CLMN: variants seen among roughly 807,000 people sequenced by gnomAD.
The protein encoded by CLMN is calmin (calponin-like, transmembrane).
Under a neutral mutation model 92.7 loss-of-function variants are expected in CLMN, and 57 were observed. The observed-to-expected ratio is 0.61, with a 90% confidence interval of 0.50 to 0.77. The LOEUF is 0.77. CLMN is among the 30% of genes least tolerant of loss of function. CLMN has a pLI of 0.00. For synonymous variants in CLMN, 466 were observed against 470.6 expected (o/e 0.99, Z 0.13); for missense variants, 1,158 against 1,237.5 (o/e 0.94, Z 0.96).
chr14:95,226,553 G>A (rs1032541532), intron 2 of CLMN, among the ~76,000 whole-genome samples: 1 of 152,070 alleles, frequency 6.6e-6, no homozygotes, highest in Non-Finnish European at 1.5e-5. Flanking sequence ...TCTGGGAGCA[G>A]GGTCCAGAAA....
chr14:95,221,663 G>A (rs149199012), intron 4 of CLMN, 28 bp downstream of exon 4: 5 of 1,595,864 alleles, frequency 3.1e-6, no homozygotes, highest in Non-Finnish European at 4.3e-6. Context: ...ACAAGCTTGT[G>A]TTAGCAGGAT....
intron 1 of CLMN, among the ~76,000 whole-genome samples, chr14:95,247,502 C>T (rs1898616848): frequency 6.6e-6 from 1 of 152,210 alleles, no homozygotes; most frequent in African/African-American, 2.4e-5. Context: ...CTGCACAGCT[C>T]CATGTCTTTT....
intron 1 of CLMN, among the ~76,000 whole-genome samples, chr14:95,252,520 GC>G (rs1369881295): frequency 6.6e-6 from 1 of 152,174 alleles, no homozygotes; most frequent in Non-Finnish European, 1.5e-5. Flanking sequence ...TCTGGTCTGC[GC>G]CCTTGGCTTC....
intron 1 of CLMN, among the ~76,000 whole-genome samples, chr14:95,245,285 T>TATAATATATATATATATA (rs1898502163): frequency 1.8e-4 from 13 of 73,002 alleles, no homozygotes; most frequent in African/African-American, 8.8e-4. Flanking sequence ...TATATATAGT[T>TATAATATATATATATATA]TTGTTTTGTT....
intron 1 of CLMN, among the ~76,000 whole-genome samples, chr14:95,231,275 C>T (rs2140636207): frequency 6.6e-6 from 1 of 150,750 alleles, no homozygotes; most frequent in Non-Finnish European, 1.5e-5. Flanking sequence ...CGGCTCACTA[C>T]AAGCTCCGCC....
At chr14:95,288,963 C>T (rs1273535452) in intron 1 of CLMN, among the ~76,000 whole-genome samples, 1 of 152,206 alleles carries the variant, frequency 6.6e-6, no homozygotes, top group Non-Finnish European at 1.5e-5. Context: ...ACTGCAGGAT[C>T]CATTTATGCA....
At chr14:95,238,143 C>G (rs181783021) in intron 1 of CLMN, among the ~76,000 whole-genome samples, 3 of 152,312 alleles carry the variant, frequency 2.0e-5, no homozygotes, top group African/African-American at 7.2e-5. Flanking sequence ...CCAACGCTGC[C>G]GACTCCCACG....
chr14:95,319,639 G>A, intron 1 of CLMN, 72 bp downstream of exon 1: 1 of 1,272,750 alleles, frequency 7.9e-7, no homozygotes, highest in Non-Finnish European at 1.1e-6. Flanking sequence ...CGGGGGAGTT[G>A]CCAAGTGTCG....
chr14:95,214,260 G>A (rs1897269745), intron 5 of CLMN, among the ~76,000 whole-genome samples: 6 of 151,750 alleles, frequency 4.0e-5, no homozygotes, highest in Admixed American at 2.6e-4. Flanking sequence ...CCACATCTTC[G>A]GGATGTTTCC....
At chr14:95,311,939 G>C (rs1197473553) in intron 1 of CLMN, among the ~76,000 whole-genome samples, 1 of 151,986 alleles carries the variant, frequency 6.6e-6, no homozygotes, top group African/African-American at 2.4e-5. Flanking sequence ...CCTTCCCCTT[G>C]AGTCCCACTC....
At chr14:95,292,832 C>A (rs1276015754) in intron 1 of CLMN, among the ~76,000 whole-genome samples, 1 of 152,120 alleles carries the variant, frequency 6.6e-6, no homozygotes, top group Non-Finnish European at 1.5e-5. Flanking sequence ...AAAGCGCAGG[C>A]CTGTGAGAGC....
At chr14:95,234,409 C>T (rs772880696) in intron 1 of CLMN, among the ~76,000 whole-genome samples, 1 of 152,202 alleles carries the variant, frequency 6.6e-6, no homozygotes, top group African/African-American at 2.4e-5. Flanking sequence ...CTACTTCTGG[C>T]CTGCCAAGAC....
chr14:95,293,606 G>A (rs1187528292), intron 1 of CLMN, among the ~76,000 whole-genome samples: 1 of 152,122 alleles, frequency 6.6e-6, no homozygotes, highest in African/African-American at 2.4e-5. Flanking sequence ...CAGCAGGCAG[G>A]AACGAGCTGC....
intron 1 of CLMN, among the ~76,000 whole-genome samples, chr14:95,264,956 A>AAT (rs1268508886): frequency 6.6e-6 from 1 of 151,186 alleles, no homozygotes; most frequent in Non-Finnish European, 1.5e-5. Context: ...AAAAAAAAAA[A>AAT]TTAGCCAGGT....
intron 1 of CLMN, among the ~76,000 whole-genome samples, chr14:95,252,211 G>A (rs896479806): frequency 1.2e-4 from 19 of 152,088 alleles, no homozygotes; most frequent in African/African-American, 3.6e-4. Context: ...AGCAACCAGG[G>A]GTCAAGTGCA....
intron 1 of CLMN, among the ~76,000 whole-genome samples, chr14:95,248,509 G>A (rs1237826434): frequency 6.6e-6 from 1 of 152,136 alleles, no homozygotes; most frequent in Non-Finnish European, 1.5e-5. Flanking sequence ...AGTACTGTCC[G>A]TTGACCTCGT....
At position 95,188,711 on chromosome 14, in the gene CLMN, A is replaced by G. The variant is rs936739714; in HGVS notation, c.*2853T>C. ...ACAGTTCAGAACACCAAGAATAAAG[A>G]GATCTTAAATGTTTCCAGGAAGGGT... On this transcript the variant is annotated 3_prime_UTR_variant, in exon 13 of 13. Transcript: ENST00000298912. The G allele has an allele frequency of 2.0e-5, 3 of 152,138 alleles. No individual in the cohort carries two copies. Among genetic ancestry groups the G allele is most frequent in the Non-Finnish European group, 2.9e-5 (2 of 68,030 alleles). 9.4% of individuals were successfully genotyped at this position (152,138 alleles called of 1,614,324 possible).
At chr14:95,227,644 C>T (rs747554528) in intron 2 of CLMN, among the ~76,000 whole-genome samples, 7 of 152,192 alleles carry the variant, frequency 4.6e-5, no homozygotes, top group Non-Finnish European at 8.8e-5. Context: ...GGGCCTTGGC[C>T]GGAGTCCATC....
In CLMN at chr14:95,276,879, C is replaced by A. The variant is rs1470605804; in HGVS notation, c.82+42832G>T. 2.6e-5 allele frequency among the ~76,000 whole-genome samples: 4 copies of A among 152,186 alleles called. No homozygotes were observed. The East Asian group carries it at 5.8e-4, about 22-fold the overall frequency. On this transcript the variant is annotated intron_variant, in intron 1 of 12. Transcript: ENST00000298912. ...ATGTTAATTCAGTTCCTCCACGCAA[C>A]CCCTGGTGTGGCATCTTGCAAAATT... is the stretch of plus-strand genomic sequence containing the variant.
Sources: allele counts gnomAD v4.1 joint callset (sites outside exome capture counted in the v4.1 genomes callset), GRCh38; gene constraint gnomAD v4.1.1; transcripts MANE v1.5; gene names NCBI Gene and HGNC (gene_info 2026-07-23, HGNC 2026-07-21).